The following LMNB1 variants were observed in gnomAD, a reference collection of about 807,000 sequenced individuals.
The protein encoded by LMNB1 is lamin B1, also known as lamin-B1.
Under a neutral mutation model 67.1 loss-of-function variants are expected in LMNB1, and 23 were observed. That is an observed-to-expected ratio of 0.34 (90% CI 0.25 to 0.49). The LOEUF (loss-of-function observed/expected upper bound fraction) is 0.49. LMNB1 is among the 20% of genes least tolerant of loss of function. The pLI, the probability that LMNB1 is intolerant of heterozygous loss-of-function variation, is 0.99. For missense variants in LMNB1, 634 were observed against 746.5 expected, an observed-to-expected ratio of 0.85 and a Z score of 1.76; for synonymous variants, 281 against 282.9, an observed-to-expected ratio of 0.99 and a Z score of 0.07.
At chr5:126,824,859 C>CCCCCCCT (rs1751958756) in intron 8 of LMNB1, among the ~76,000 whole-genome samples, 1 of 113,968 alleles carries the variant, frequency 8.8e-6, no homozygotes, top group African/African-American at 3.2e-5. Context: ...CCCACCCTTT[C>CCCCCCCT]TTTTTTTTGA....
At chr5:126,820,107 A>G (rs1285516644) in intron 6 of LMNB1, among the ~76,000 whole-genome samples, 1 of 152,068 alleles carries the variant, frequency 6.6e-6, no homozygotes, top group African/African-American at 2.4e-5. Flanking sequence ...GTGCCATTGC[A>G]CTCCAGCCTG....
chr5:126,779,432 A>G (rs1024738960), intron 1 of LMNB1, among the ~76,000 whole-genome samples: 1 of 152,148 alleles, frequency 6.6e-6, no homozygotes, highest in Non-Finnish European at 1.5e-5. Context: ...AACTCACACT[A>G]TTATTTCTAT....
At position 126,831,867 on chromosome 5, in the gene LMNB1, A is replaced by T. The variant is rs1182602357; in HGVS notation, c.1612-827A>T. 2.0e-5 allele frequency among the ~76,000 whole-genome samples: 3 copies of T among 152,244 alleles called. No individual in the cohort carries two copies. In the East Asian group the frequency reaches 5.8e-4, roughly 29 times the overall value. Reference sequence around the variant, plus strand: ...AATTGGATAGTACTTCCTCCCCTGCAGGAAATATGGAAGGTATAAGAACTG... The same window carrying T: ...AATTGGATAGTACTTCCTCCCCTGCTGGAAATATGGAAGGTATAAGAACTG... On this transcript the variant is annotated intron_variant, in intron 9 of 10. Coordinates refer to ENST00000261366, the MANE Select transcript of LMNB1 (RefSeq NM_005573.4).
intron 3 of LMNB1, among the ~76,000 whole-genome samples, chr5:126,808,330 C>T (rs1751502856): frequency 6.6e-6 from 1 of 151,368 alleles, no homozygotes; most frequent in Non-Finnish European, 1.5e-5. Flanking sequence ...ATTACAGGTT[C>T]ACACCCTCAC....
At position 126,800,977 on chromosome 5, in the gene LMNB1, A is replaced by AATTTTTTTTTTTT. The variant is rs1481273764; in HGVS notation, c.360-3799_360-3798insATTTTTTTTTTTT. Among the ~76,000 whole-genome samples, 240 of 38,176 alleles carry AATTTTTTTTTTTT rather than the reference A, an allele frequency of 6.3e-3. 8 individuals carry two copies. The highest frequency in any genetic ancestry group is 0.01 in the Non-Finnish European group (180 of 17,772). The allele number at this position is 38,176 out of a possible 152,430, so 25.0% of individuals were successfully genotyped here. A position where few individuals can be genotyped will look rare whatever the true frequency, so the allele number is the denominator to read the frequency against. ...TATATATATATATATATATATATAT[A>AATTTTTTTTTTTT]TATAATTTTTTTTTTTTTTTTTTGG... On this transcript the variant is annotated intron_variant, in intron 1 of 10. Transcript: ENST00000261366.
rs55837872 is a variant in LMNB1, at chr5:126,795,130, C to CTTT, written c.360-9633_360-9631dup. On this transcript the variant is annotated intron_variant, in intron 1 of 10. Coordinates refer to ENST00000261366, the MANE Select transcript of LMNB1 (RefSeq NM_005573.4). ...GGAATATGCTAACTAATTCCTTTTC[C>CTTT]TTTTTTTTTTTTTTTAAATAAGGAT... Among the ~76,000 whole-genome samples, 7 of 128,934 alleles carry CTTT rather than the reference C, an allele frequency of 5.4e-5. 1 individual carries two copies. Among genetic ancestry groups the CTTT allele is most frequent in the Non-Finnish European group, 9.5e-5 (6 of 62,894 alleles). 84.6% of individuals were successfully genotyped at this position (128,934 alleles called of 152,430 possible). A position where few individuals can be genotyped will look rare whatever the true frequency, so the allele number is the denominator to read the frequency against.
At position 126,832,683 on chromosome 5, in the gene LMNB1, A is replaced by G. The variant is rs747711264; in HGVS notation, c.1612-11A>G. The G allele has an allele frequency of 1.1e-5, 17 of 1,583,630 alleles. No homozygotes were observed. Among genetic ancestry groups the G allele is most frequent in the Non-Finnish European group, 1.3e-5 (15 of 1,153,542 alleles). On this transcript the variant is annotated splice_polypyrimidine_tract_variant and intron_variant, in intron 9 of 10. Transcript: ENST00000261366. ...AGTGTGTTTTTTAACTTAAACTACT[A>G]TTGTTTTTAGGAGGTTGCTCAAAGA...
chr5:126,826,652 C>T (rs937928335), intron 9 of LMNB1, among the ~76,000 whole-genome samples: 1 of 152,142 alleles, frequency 6.6e-6, no homozygotes, highest in Non-Finnish European at 1.5e-5. Flanking sequence ...TTACCTTCCC[C>T]ATTGCCACAT....
intron 1 of LMNB1, among the ~76,000 whole-genome samples, chr5:126,798,218 C>A (rs1279249182): frequency 6.6e-6 from 1 of 151,816 alleles, no homozygotes; most frequent in Non-Finnish European, 1.5e-5. Context: ...TTTGGGAGGC[C>A]AAGGCGGTTG....
rs140182401 is a variant in LMNB1, at chr5:126,828,076, G to A, written c.1611+1969G>A. Among the ~76,000 whole-genome samples, 655 of 152,286 alleles carry A rather than the reference G, an allele frequency of 4.3e-3. 2 individuals carry two copies. Among genetic ancestry groups the A allele is most frequent in the Admixed American group, 0.011 (166 of 15,294 alleles). On this transcript the variant is annotated intron_variant, in intron 9 of 10. Transcript: ENST00000261366. Reference sequence around the variant, plus strand: ...AAATCAGACATGGACCTTGACTTACGTTCAGAGAAATAAAGCAATAGCAGC... The same window carrying A: ...AAATCAGACATGGACCTTGACTTACATTCAGAGAAATAAAGCAATAGCAGC...
At chr5:126,786,641 G>A (rs1049622886) in intron 1 of LMNB1, among the ~76,000 whole-genome samples, 1 of 152,154 alleles carries the variant, frequency 6.6e-6, no homozygotes, top group African/African-American at 2.4e-5. Flanking sequence ...ACATGTAGCA[G>A]GCTCACAGAG....
intron 4 of LMNB1, 39 bp downstream of exon 4, chr5:126,810,389 T>C: frequency 1.3e-6 from 2 of 1,486,614 alleles, no homozygotes; most frequent in Non-Finnish European, 1.9e-6. Flanking sequence ...ACACTTAAAA[T>C]CATTACTTCA....
chr5:126,826,223 C>G, intron 9 of LMNB1, 116 bp downstream of exon 9: 3 of 1,201,168 alleles, frequency 2.5e-6, no homozygotes, highest in Non-Finnish European at 3.5e-6. Context: ...CAGACCAAAG[C>G]TGCTAAGTTA....
At position 126,836,785 on chromosome 5, in the gene LMNB1, G is replaced by C; in HGVS notation, c.*521G>C. The stretch of plus-strand genomic sequence containing the variant: ...TTTTTTTAAAATAGAAATTTTGTAA[G>C]AAGGCAATATTAACCTAATCACCAT... On this transcript the variant is annotated 3_prime_UTR_variant, in exon 11 of 11. Coordinates refer to ENST00000261366, the MANE Select transcript of LMNB1 (RefSeq NM_005573.4). 2.6e-6 allele frequency: 1 copy of C among 391,548 alleles called. No individual in the cohort carries two copies. Among genetic ancestry groups the C allele is most frequent in the Non-Finnish European group, 4.5e-6 (1 of 222,854 alleles). The allele number at this position is 391,548 out of a possible 1,614,324, so 24.3% of individuals were successfully genotyped here.
chr5:126,794,859 A>AT (rs1300201752), intron 1 of LMNB1, among the ~76,000 whole-genome samples: 2 of 152,172 alleles, frequency 1.3e-5, no homozygotes, highest in Non-Finnish European at 2.9e-5. Context: ...CCTGTAATAT[A>AT]TTTGTTTTTC....
At position 126,791,134 on chromosome 5, in the gene LMNB1, G is replaced by C. The variant is rs540926026; in HGVS notation, c.359+13267G>C. Among the ~76,000 whole-genome samples, 3 of 152,250 alleles carry C rather than the reference G, an allele frequency of 2.0e-5. No individual in the cohort carries two copies. The East Asian group carries it at 5.8e-4, about 29-fold the overall frequency. ...GTAATGATGAGTGAAAAATTTAAAA[G>C]CTTGTAGGATCTTCTTTTGATCCAG... On this transcript the variant is annotated intron_variant, in intron 1 of 10. Coordinates refer to ENST00000261366, the MANE Select transcript of LMNB1 (RefSeq NM_005573.4).
intron 9 of LMNB1, among the ~76,000 whole-genome samples, chr5:126,830,862 T>A (rs1752115222): frequency 6.6e-6 from 1 of 152,258 alleles, no homozygotes; most frequent in Admixed American, 6.5e-5. Context: ...TGCTATCTCC[T>A]AGTTGATAGC....
intron 3 of LMNB1, among the ~76,000 whole-genome samples, chr5:126,805,914 G>A (rs934052352): frequency 2.0e-5 from 3 of 152,082 alleles, no homozygotes; most frequent in Admixed American, 1.3e-4. Context: ...AGCTGTTACC[G>A]TAAACAGATA....
intron 8 of LMNB1, 27 bp from the exon 9 acceptor site, chr5:126,825,961 G>T (rs371536552): frequency 1.4e-4 from 227 of 1,612,678 alleles, no homozygotes; most frequent in Non-Finnish European, 1.7e-4. Context: ...GGTTCTGGGT[G>T]TACTGACATG....
Sources: gnomAD v4.1 joint callset for allele counts (sites outside exome capture counted in the v4.1 genomes callset) on GRCh38, gnomAD v4.1.1 for gene constraint, MANE v1.5 for transcripts, NCBI Gene and HGNC (gene_info 2026-07-23, HGNC 2026-07-21) for gene names.